Variants in TOPBP1 observed in about 807,000 individuals in gnomAD.
TOPBP1 encodes the protein DNA topoisomerase II binding protein 1.
In TOPBP1, 28 loss-of-function variants were observed where a neutral mutation model predicts 167.7. The ratio of observed to expected loss-of-function variants is 0.17; its 90% CI spans 0.12 to 0.23. The LOEUF (loss-of-function observed/expected upper bound fraction) is 0.23, where lower values mean the gene tolerates loss of function less well. Among genes scored for constraint, TOPBP1 ranks in the 10% least tolerant of loss-of-function variants. The pLI, the probability that TOPBP1 is intolerant of heterozygous loss-of-function variation, is 1.00. For missense variants in TOPBP1, 1,554 were observed against 1,809.6 expected (o/e 0.86, Z 2.56); for synonymous variants, 598 against 611.4 (o/e 0.98, Z 0.32).
intron 7 of TOPBP1, 148 bp from the exon 8 acceptor site, chr3:133,652,777 A>C: frequency 1.6e-6 from 1 of 613,550 alleles, no homozygotes; most frequent in East Asian, 3.0e-5. Context: ...TTAGTGGCAA[A>C]GTATAAAAAG....
Position 133,612,521 on chromosome 3 carries a change from A to G in TOPBP1, c.3903T>C (p.Asp1301=), listed in dbSNP as rs1416822782. ...GGLVIEKQCF[D]PTCTHIVVGH... is the part of the protein sequence containing the mutation. ...CCACAACAATGTGTGTACAGGTGGG[A>G]TCAAAGCACTGCTTTTCTATCACCA... Residue 1301 remains aspartate (D), a synonymous_variant, in exon 24 of 28, where the codon GAT becomes GAC. Coordinates refer to ENST00000260810, the MANE Select transcript of TOPBP1 (RefSeq NM_007027.4). 1.4e-5 allele frequency: 22 copies of G among 1,613,638 alleles called. No individual in the cohort carries two copies. The highest frequency in any genetic ancestry group is 1.7e-5 in the Non-Finnish European group (20 of 1,179,778).
At chr3:133,618,677 GA>G (rs927667411) in intron 20 of TOPBP1, among the ~76,000 whole-genome samples, 29 of 151,800 alleles carry the variant, frequency 1.9e-4, no homozygotes, top group African/African-American at 7.0e-4. Context: ...CATGTCTACA[GA>G]ACTAAAACTT....
intron 23 of TOPBP1, among the ~76,000 whole-genome samples, chr3:133,613,981 C>G (rs555755949): frequency 6.6e-6 from 1 of 151,734 alleles, no homozygotes; most frequent in East Asian, 1.9e-4. Context: ...TTAGTAGAGA[C>G]GGGGTTTCAC....
chr3:133,659,253 A>G, intron 2 of TOPBP1, 103 bp from the exon 3 acceptor site: 1 of 1,200,676 alleles, frequency 8.3e-7, no homozygotes, highest in East Asian at 2.6e-5. Context: ...ATTGAAAGCC[A>G]CCATCACATC....
chr3:133,656,496 T>A (rs1457242733), intron 5 of TOPBP1, among the ~76,000 whole-genome samples, 180 bp downstream of exon 5: 2 of 152,214 alleles, frequency 1.3e-5, no homozygotes, highest in Non-Finnish European at 2.9e-5. Context: ...ATTCTATGCC[T>A]GTCAACTTAT....
chr3:133,653,606 T>A, intron 6 of TOPBP1, 82 bp from the exon 7 acceptor site: 1 of 1,201,858 alleles, frequency 8.3e-7, no homozygotes, highest in East Asian at 2.8e-5. Context: ...TTTGCAGAAA[T>A]ATTCAAATTA....
At chr3:133,626,286 T>C (rs1935264434) in intron 16 of TOPBP1, among the ~76,000 whole-genome samples, 2 of 152,200 alleles carry the variant, frequency 1.3e-5, no homozygotes, top group African/African-American at 4.8e-5. Flanking sequence ...GCAAAAGTGT[T>C]ACTTCAGGGG....
rs1229175070 is a variant in TOPBP1 at position 133,653,410 on chromosome 3, G to C, written c.857C>G (p.Pro286Arg). 1.2e-6 allele frequency: 2 copies of C among 1,612,640 alleles called. No individual in the cohort carries two copies. The highest frequency in any genetic ancestry group is 1.3e-5 in the African/African-American group (1 of 74,826). Residue 286 changes from proline (P) to arginine (R), a missense_variant, in exon 7 of 28, where the codon CCT becomes CGT. Physicochemically the swap from Pro to Arg is moderately radical, Grantham distance 103. Around this residue, in one of 3 missense-constraint regions of TOPBP1, gnomAD observed 1,197 missense variants for 1,351.5 expected, o/e 0.89. Transcript: ENST00000260810. ...CQDESIYKTE[P>R]RPEAKTMPNS... is the part of the protein sequence containing the mutation. ...GGGCATAGTCTTTGCTTCTGGTCTA[G>C]GTTCTGTCTTGTATATGGATTCATC...
At chr3:133,635,391 T>C (rs1401406061) in intron 14 of TOPBP1, among the ~76,000 whole-genome samples, 1 of 152,044 alleles carries the variant, frequency 6.6e-6, no homozygotes, top group African/African-American at 2.4e-5. Context: ...GTTCTAGGAC[T>C]ATAGGTGCAC....
chr3:133,657,686 A>G (rs1446032751), intron 4 of TOPBP1, 112 bp downstream of exon 4: 2 of 888,078 alleles, frequency 2.3e-6, no homozygotes, highest in Admixed American at 4.1e-5. Flanking sequence ...AACTTTGTTA[A>G]AAGTCACGAA....
At chr3:133,629,725 TTTAA>T (rs1935399256) in intron 14 of TOPBP1, among the ~76,000 whole-genome samples, 1 of 152,208 alleles carries the variant, frequency 6.6e-6, no homozygotes, top group African/African-American at 2.4e-5. Context: ...ATCTGTATGC[TTTAA>T]TTTTCTACTC....
intron 17 of TOPBP1, 143 bp downstream of exon 17, chr3:133,623,909 A>G (rs770219088): frequency 1.0e-6 from 1 of 1,001,716 alleles, no homozygotes; most frequent in Non-Finnish European, 1.4e-6. Flanking sequence ...GATGCCAAAG[A>G]TCTGAAATGT....
rs183774897 is a variant in TOPBP1, at chr3:133,648,230, G to A, written c.1504+1153C>T. 2.0e-5 allele frequency among the ~76,000 whole-genome samples: 3 copies of A among 152,276 alleles called. No individual in the cohort carries two copies. In the East Asian group the frequency reaches 5.8e-4, roughly 29 times the overall value. ...GAAACTGTCTAGAACTGTATACCCA[G>A]CCGAAGAGTCTTAGAGAAACTAAAG... On this transcript the variant is annotated intron_variant, in intron 10 of 27. Coordinates refer to ENST00000260810, the MANE Select transcript of TOPBP1 (RefSeq NM_007027.4).
chr3:133,610,942 A>C, intron 25 of TOPBP1, 62 bp downstream of exon 25: 1 of 1,417,600 alleles, frequency 7.1e-7, no homozygotes, highest in Non-Finnish European at 9.3e-7. Flanking sequence ...TTTTAAAAAA[A>C]ATGTGAAAGA....
At position 133,649,459 on chromosome 3, in the gene TOPBP1, G is replaced by A; in HGVS notation, c.1428C>T (p.Asp476=). The change falls in exon 10 of 28, where the codon GAC becomes GAT. Residue 476 remains aspartate, a synonymous_variant. Coordinates refer to ENST00000260810, the MANE Select transcript of TOPBP1 (RefSeq NM_007027.4). The stretch of plus-strand genomic sequence containing the variant: ...GCTCATGCTTTTCACTAGGAGCAAA[G>A]TCTTTCTTAGAGAAGCTGCTGTTCT... ...KKKNSSFSKK[D]FAPSEKHEQA... is the part of the protein sequence containing the mutation. 1.2e-6 allele frequency: 2 copies of A among 1,613,912 alleles called. No individual in the cohort carries two copies. Among genetic ancestry groups the A allele is most frequent in the Non-Finnish European group, 1.7e-6 (2 of 1,179,866 alleles).
intron 8 of TOPBP1, among the ~76,000 whole-genome samples, chr3:133,650,627 T>C (rs1478472438): frequency 6.6e-6 from 1 of 152,066 alleles, no homozygotes; most frequent in Non-Finnish European, 1.5e-5. Context: ...TACCTCTATT[T>C]TACATAAGGT....
intron 13 of TOPBP1, 146 bp from the exon 14 acceptor site, chr3:133,638,308 C>G: frequency 2.6e-6 from 2 of 760,846 alleles, no homozygotes; most frequent in Non-Finnish European, 4.2e-6. Context: ...CCTCGGCATC[C>G]TAATCTGTTA....
intron 14 of TOPBP1, among the ~76,000 whole-genome samples, chr3:133,629,244 T>G (rs754624985): frequency 5.3e-5 from 8 of 152,226 alleles, no homozygotes; most frequent in Non-Finnish European, 1.2e-4. Flanking sequence ...GCTACTGTTG[T>G]CCAAATGGCT....
chr3:133,644,878 A>C (rs1936024814), intron 10 of TOPBP1, among the ~76,000 whole-genome samples: 1 of 152,246 alleles, frequency 6.6e-6, no homozygotes, highest in South Asian at 2.1e-4. Context: ...GCTGGAAGCT[A>C]TCCAAGAATC....
Sources: gnomAD v4.1 joint callset for allele counts (sites outside exome capture counted in the v4.1 genomes callset) on GRCh38, gnomAD v4.1.1 for gene constraint, gnomAD v4.1.1 regional missense constraint, MANE v1.5 for transcripts, NCBI Gene and HGNC (gene_info 2026-07-23, HGNC 2026-07-21) for gene names.